BEND4: variants seen among roughly 807,000 people sequenced by gnomAD.
The protein encoded by BEND4 is BEN domain containing 4, also known as BEN domain-containing protein 4.
Under a neutral mutation model 54.7 loss-of-function variants are expected in BEND4, and 27 were observed. The ratio of observed to expected loss-of-function variants is 0.49; its 90% confidence interval spans 0.36 to 0.68. The LOEUF (loss-of-function observed/expected upper bound fraction) is 0.68. Ranked by LOEUF, BEND4 falls within the 30% of genes least tolerant of loss-of-function variation. The probability of loss-of-function intolerance (pLI) is 0.00; values close to 1 mark genes in which losing one functional copy is unlikely to be tolerated. For synonymous variants in BEND4, 327 were observed against 299.5 expected (o/e 1.09, Z -0.95); for missense variants, 702 against 697.2 (o/e 1.01, Z -0.08).
chr4:42,125,386 G>A (rs912684139), intron 4 of BEND4, among the ~76,000 whole-genome samples, 197 bp downstream of exon 4: 1 of 152,200 alleles, frequency 6.6e-6, no homozygotes, highest in Non-Finnish European at 1.5e-5. Context: ...TCCCCACTTA[G>A]TACATGCAGC....
At chr4:42,130,994 C>T (rs1258584471) in intron 3 of BEND4, among the ~76,000 whole-genome samples, 1 of 152,126 alleles carries the variant, frequency 6.6e-6, no homozygotes, top group Non-Finnish European at 1.5e-5. Flanking sequence ...CATGTTCTCA[C>T]TCATAAGTGT....
At position 42,143,677 on chromosome 4, in the gene BEND4, A is replaced by C. The variant is rs1296518924; in HGVS notation, c.805T>G (p.Ser269Ala). ...SGSFPTPNPS[S>A]ASEYGHLADV... ...GCCAGATGGCCATATTCACTGGCTG[A>C]CGAGGGGTTTGGAGTTGGAAAGCTT... Residue 269 changes from serine to alanine, a missense_variant, in exon 3 of 6, where the codon TCA (serine) becomes GCA (alanine). Transcript: ENST00000502486. 2 of 1,614,022 alleles carry C rather than the reference A, an allele frequency of 1.2e-6. No homozygotes were observed. Among genetic ancestry groups the C allele is most frequent in the Non-Finnish European group, 1.7e-6 (2 of 1,179,906 alleles).
intron 3 of BEND4, among the ~76,000 whole-genome samples, chr4:42,141,846 T>C (rs1197769106): frequency 6.6e-6 from 1 of 152,210 alleles, no homozygotes; most frequent in African/African-American, 2.4e-5. Flanking sequence ...CCCAATATAT[T>C]AGAATAGTAG....
At chr4:42,133,155 T>C (rs1445385452) in intron 3 of BEND4, among the ~76,000 whole-genome samples, 3 of 152,238 alleles carry the variant, frequency 2.0e-5, no homozygotes, top group Non-Finnish European at 2.9e-5. Flanking sequence ...AGATTGGTTG[T>C]CTATGAATTA....
intron 3 of BEND4, among the ~76,000 whole-genome samples, chr4:42,131,703 T>C (rs1720514054): frequency 6.6e-6 from 1 of 152,096 alleles, no homozygotes; most frequent in South Asian, 2.1e-4. Context: ...GGTGGCTCTA[T>C]TTAAGGCAAA....
intron 3 of BEND4, among the ~76,000 whole-genome samples, chr4:42,137,083 T>A (rs1720722206): frequency 6.6e-6 from 1 of 152,132 alleles, no homozygotes; most frequent in Admixed American, 6.5e-5. Flanking sequence ...ACAAACTAGA[T>A]CTGGAGTCAG....
In BEND4 at chr4:42,152,022, T is replaced by C. The variant is rs982404408; in HGVS notation, c.122A>G (p.Tyr41Cys). The C allele has an allele frequency of 1.6e-6, 2 of 1,252,794 alleles. No individual in the cohort carries two copies. Among genetic ancestry groups the C allele is most frequent in the Non-Finnish European group, 1.0e-6 (1 of 992,486 alleles). 77.6% of individuals were successfully genotyped at this position (1,252,794 alleles called of 1,614,324 possible). Residue 41 changes from tyrosine to cysteine, a missense_variant, in exon 2 of 6, where the codon TAC becomes TGC. By Grantham distance (194) the Tyr-to-Cys change is radical. Transcript: ENST00000502486. ...PSKRPALAKR[Y>C]ERPTLVELPH... The stretch of plus-strand genomic sequence containing the variant: ...CAGCTCCACCAGGGTGGGTCGCTCG[T>C]AGCGCTTGGCCAGCGCCGGTCTCTT...
At chr4:42,121,758 C>T (rs923024319) in intron 4 of BEND4, among the ~76,000 whole-genome samples, 1 of 152,158 alleles carries the variant, frequency 6.6e-6, no homozygotes, top group African/African-American at 2.4e-5. Flanking sequence ...CAAGTCTGTG[C>T]AGGACAGAGA....
intron 3 of BEND4, among the ~76,000 whole-genome samples, chr4:42,139,113 C>G (rs1307340130): frequency 6.6e-6 from 1 of 152,126 alleles, no homozygotes. Flanking sequence ...TTTTAAAAAC[C>G]TCTCATCCCT....
intron 3 of BEND4, among the ~76,000 whole-genome samples, chr4:42,126,739 T>C (rs1442320888): frequency 6.6e-6 from 1 of 152,146 alleles, no homozygotes; most frequent in Non-Finnish European, 1.5e-5. Context: ...AGGCCGGGCG[T>C]GGTGGCTTAC....
chr4:42,125,163 A>T (rs907278143), intron 4 of BEND4, among the ~76,000 whole-genome samples: 1 of 152,172 alleles, frequency 6.6e-6, no homozygotes, highest in African/African-American at 2.4e-5. Context: ...GAAAAAAATA[A>T]CCCATGTGCA....
intron 4 of BEND4, among the ~76,000 whole-genome samples, chr4:42,122,092 T>C (rs1454399409): frequency 1.3e-5 from 2 of 152,048 alleles, no homozygotes; most frequent in East Asian, 1.9e-4. Flanking sequence ...ACCAGTACTT[T>C]TGCGGAGGAA....
chr4:42,140,270 A>G (rs1029511592), intron 3 of BEND4, among the ~76,000 whole-genome samples: 4 of 152,194 alleles, frequency 2.6e-5, no homozygotes, highest in African/African-American at 9.7e-5. Flanking sequence ...CTGTTTTCCA[A>G]TATTAAGGTG....
chr4:42,146,102 C>T (rs1278845565), intron 2 of BEND4, among the ~76,000 whole-genome samples: 1 of 152,198 alleles, frequency 6.6e-6, no homozygotes, highest in East Asian at 1.9e-4. Flanking sequence ...CCTGACCCTC[C>T]TTCTCCAGCC....
chr4:42,141,842 A>G (rs1159039449), intron 3 of BEND4, among the ~76,000 whole-genome samples: 1 of 152,198 alleles, frequency 6.6e-6, no homozygotes, highest in African/African-American at 2.4e-5. Flanking sequence ...GAACCCCAAT[A>G]TATTAGAATA....
chr4:42,143,828 C>T lies in BEND4; in HGVS notation c.654G>A (p.Gly218=), dbSNP rs748982544. 3 of 1,581,010 alleles carry T rather than the reference C, an allele frequency of 1.9e-6. No individual in the cohort carries two copies. In the South Asian group the frequency reaches 3.6e-5, roughly 19 times the overall value. Residue 218 remains glycine, a synonymous_variant, in exon 3 of 6, where the codon GGG becomes GGA. Transcript: ENST00000502486. Reference sequence around the variant, plus strand: ...CTGAGGTCTGACTGTGGACCCCTTTCCCAATGTGACAGTGCTCCTGTCTTT... The same window carrying T: ...CTGAGGTCTGACTGTGGACCCCTTTTCCAATGTGACAGTGCTCCTGTCTTT... ...YNERQEHCHI[G]KGVHSQTSDN...
At position 42,115,756 on chromosome 4, in the gene BEND4, G is replaced by GT. The variant is rs1465754214; in HGVS notation, c.*1761dup. The GT allele has an allele frequency of 3.3e-5, 5 of 152,182 alleles. No individual in the cohort carries two copies. Among genetic ancestry groups the GT allele is most frequent in the Non-Finnish European group, 5.9e-5 (4 of 68,022 alleles). 9.4% of individuals were successfully genotyped at this position (152,182 alleles called of 1,614,324 possible). ...CAAAGAGACTGGTCTCATGGCTGCC[G>GT]TAAGAACATGGCATTTGCCCATATC... is the stretch of plus-strand genomic sequence containing the variant. On this transcript the variant is annotated 3_prime_UTR_variant, in exon 6 of 6. Transcript: ENST00000502486.
chr4:42,119,393 A>G (rs1436610745), intron 5 of BEND4, among the ~76,000 whole-genome samples: 4 of 152,074 alleles, frequency 2.6e-5, no homozygotes, highest in African/African-American at 9.7e-5. Context: ...CTATTTGTCT[A>G]GGTCTGTATT....
rs575959535 is a variant in BEND4, at chr4:42,120,253, C to T, written c.1188G>A (p.Thr396=). Reference sequence around the variant, plus strand: ...TTACAGCCTCATCCCACTGTTTGCTCGTTATGTAGACAGGATAGTTGTTCA... The same window carrying T: ...TTACAGCCTCATCCCACTGTTTGCTTGTTATGTAGACAGGATAGTTGTTCA... ...QLLNNYPVYI[T]SKQWDEAVNS... Residue 396 remains threonine (T), a synonymous_variant, in exon 5 of 6, where the codon ACG becomes ACA. Transcript: ENST00000502486. The T allele has an allele frequency of 4.6e-5, 74 of 1,613,252 alleles. 2 individuals carry two copies. In the Admixed American group the frequency reaches 9.2e-4, roughly 20 times the overall value.
Sources: allele counts gnomAD v4.1 joint callset (sites outside exome capture counted in the v4.1 genomes callset), GRCh38; gene constraint gnomAD v4.1.1; transcripts MANE v1.5; gene names NCBI Gene and HGNC (gene_info 2026-07-23, HGNC 2026-07-21).